DMD: variants seen among roughly 807,000 people sequenced by gnomAD.
DMD encodes dystrophin.
Under a neutral mutation model 330.1 loss-of-function variants are expected in DMD, and 63 were observed. That is an observed-to-expected ratio of 0.19 (90% CI 0.16 to 0.24). The LOEUF is 0.24. Among genes scored for constraint, DMD ranks in the 10% least tolerant of loss-of-function variants. The pLI is 1.00. For missense variants in DMD, 3,344 were observed against 2,684.1 expected, an observed-to-expected ratio of 1.25 and a Z score of -5.43; for synonymous variants, 1,223 against 959.8, an observed-to-expected ratio of 1.27 and a Z score of -5.07.
chrX:31,549,787 G>A (rs2147736366), intron 55 of DMD, among the ~76,000 whole-genome samples: 1 of 112,228 alleles, frequency 8.9e-6, no homozygotes, highest in South Asian at 3.7e-4. Flanking sequence ...ATGAAATTAT[G>A]ACTTACAGCA....
rs555545188 is a variant in DMD at position 32,021,676 on chromosome X, G to T, written c.6439-53162C>A. Among the ~76,000 whole-genome samples, 6 of 112,008 alleles carry T rather than the reference G, an allele frequency of 5.4e-5. No individual in the cohort carries two copies. In the South Asian group the frequency reaches 1.8e-3, roughly 34 times the overall value. ...CACTAGATTTCAGAGACTTACTAAA[G>T]AAAAAGGTTAAATACATAATTAGTA... On this transcript the variant is annotated intron_variant, in intron 44 of 78. Transcript: ENST00000357033.
chrX:32,593,012 G>A (rs907712420), intron 13 of DMD, among the ~76,000 whole-genome samples: 1 of 112,750 alleles, frequency 8.9e-6, no homozygotes, highest in Non-Finnish European at 1.9e-5. Context: ...CCTCATGCTC[G>A]CTTGCTCACA....
At chrX:32,615,580 A>G (rs2057498483) in intron 11 of DMD, among the ~76,000 whole-genome samples, 1 of 111,641 alleles carries the variant, frequency 9.0e-6, no homozygotes, top group Non-Finnish European at 1.9e-5. Context: ...CTGAACATTG[A>G]TCTTATAATT....
At chrX:33,275,727 C>T (rs2053224023) in intron 1 of DMD, among the ~76,000 whole-genome samples, 1 of 111,599 alleles carries the variant, frequency 9.0e-6, no homozygotes, top group African/African-American at 3.2e-5. Context: ...CCTAATGATT[C>T]AACAGGACTA....
rs755525313 is a variant in DMD at position 33,080,890 on chromosome X, CAA to C, written c.32-60692_32-60691del. 2.1e-4 allele frequency among the ~76,000 whole-genome samples: 23 copies of C among 110,210 alleles called. No individual in the cohort carries two copies. In the South Asian group the frequency reaches 7.7e-3, roughly 37 times the overall value. Reference sequence around the variant, plus strand: ...TAAAGTCATGTGAACAAAAAGTCATCAAAGTTTCTATTTTTCTGACAAAATAT... The same window carrying C: ...TAAAGTCATGTGAACAAAAAGTCATCAGTTTCTATTTTTCTGACAAAATAT... On this transcript the variant is annotated intron_variant, in intron 1 of 78. Transcript: ENST00000357033.
chrX:31,541,711 C>T (rs1204383693), intron 55 of DMD, among the ~76,000 whole-genome samples: 1 of 110,551 alleles, frequency 9.0e-6, no homozygotes, highest in Non-Finnish European at 1.9e-5. Flanking sequence ...TATATATGTG[C>T]CACATTTTCT....
At chrX:33,236,883 T>A (rs2052493366) in intron 1 of DMD, among the ~76,000 whole-genome samples, 1 of 111,375 alleles carries the variant, frequency 9.0e-6, no homozygotes, top group Non-Finnish European at 1.9e-5. Flanking sequence ...TGTAATATTA[T>A]TCAATGTACC....
intron 60 of DMD, among the ~76,000 whole-genome samples, chrX:31,403,998 G>C (rs1438120313): frequency 9.2e-6 from 1 of 108,937 alleles, no homozygotes; most frequent in Non-Finnish European, 1.9e-5. Flanking sequence ...AATAAGTAAT[G>C]AATCACTGAA....
chrX:31,543,936 C>T (rs1569550570), intron 55 of DMD, among the ~76,000 whole-genome samples: 2 of 111,421 alleles, frequency 1.8e-5, no homozygotes, highest in Non-Finnish European at 1.9e-5. Context: ...CTCAATTCAG[C>T]AGAAAAGAGG....
chrX:32,614,232 G>A, intron 12 of DMD, 71 bp downstream of exon 12: 1 of 1,017,165 alleles, frequency 9.8e-7, no homozygotes, highest in Admixed American at 2.4e-5. Flanking sequence ...TGTCATCTGT[G>A]TTACTGTGTA....
At chrX:32,997,524 G>A (rs192105571) in intron 2 of DMD, among the ~76,000 whole-genome samples, 28 of 111,957 alleles carry the variant, frequency 2.5e-4, no homozygotes, top group Middle Eastern at 4.7e-3. Flanking sequence ...GGTTATAGGC[G>A]TGAGCCACCG....
Position 32,148,023 on chromosome X carries a change from A to G in DMD, c.6438+68893T>C, listed in dbSNP as rs191414827. Among the ~76,000 whole-genome samples, 927 of 108,251 alleles carry G rather than the reference A, an allele frequency of 8.6e-3. 7 individuals are homozygous for G. Among genetic ancestry groups the G allele is most frequent in the African/African-American group, 0.029 (859 of 29,676 alleles). 94.0% of individuals were successfully genotyped at this position (108,251 alleles called of 115,157 possible). ...CTCCCGAGTAGCTGGGACTACAGGC[A>G]CCCACTACCACGCCAGGCTAATTTT... On this transcript the variant is annotated intron_variant, in intron 44 of 78. Coordinates refer to ENST00000357033, the MANE Select transcript of DMD (RefSeq NM_004006.3).
chrX:32,974,415 G>C (rs2092478916), intron 2 of DMD, among the ~76,000 whole-genome samples: 1 of 111,141 alleles, frequency 9.0e-6, no homozygotes, highest in Non-Finnish European at 1.9e-5. Context: ...ACACTGAATT[G>C]TACACTTCTA....
Position 32,771,630 on chromosome X carries a change from A to G in DMD, c.649+37863T>C, listed in dbSNP as rs144188112. On this transcript the variant is annotated intron_variant, in intron 7 of 78. Transcript: ENST00000357033. ...AATATTTTCAGTGTCTCACCCCTGA[A>G]AGATGCATAACAACAATTGGTTAAA... Among the ~76,000 whole-genome samples, 450 of 111,214 alleles carry G rather than the reference A, an allele frequency of 4.0e-3. 3 individuals are homozygous for G. Among genetic ancestry groups the G allele is most frequent in the African/African-American group, 0.014 (423 of 30,600 alleles).
rs1208464931 is a variant in DMD at position 31,742,400 on chromosome X, C to CT, written c.7543-12653dup. Among the ~76,000 whole-genome samples, 6 of 111,673 alleles carry CT rather than the reference C, an allele frequency of 5.4e-5. No individual in the cohort carries two copies. The East Asian group carries it at 1.1e-3, about 21-fold the overall frequency. ...GATTTAAAGTGACAAACATGTGACTCTTTTTTTTCCCATGAACACTTAGAG... is the reference window on the plus strand; with the variant it reads ...GATTTAAAGTGACAAACATGTGACTCTTTTTTTTTCCCATGAACACTTAGAG... On this transcript the variant is annotated intron_variant, in intron 51 of 78. Transcript: ENST00000357033.
intron 18 of DMD, among the ~76,000 whole-genome samples, chrX:32,502,582 T>C (rs2044162901): frequency 8.9e-6 from 1 of 112,214 alleles, no homozygotes; most frequent in African/African-American, 3.2e-5. Context: ...TACATTACTA[T>C]AATCATCAAG....
intron 7 of DMD, among the ~76,000 whole-genome samples, chrX:32,788,184 T>G (rs1889333142): frequency 8.9e-6 from 1 of 111,827 alleles, no homozygotes; most frequent in Admixed American, 9.5e-5. Context: ...CTTATTTTCT[T>G]AGGATTAAGA....
At chrX:32,309,406 G>A (rs1295158091) in intron 42 of DMD, among the ~76,000 whole-genome samples, 1 of 110,731 alleles carries the variant, frequency 9.0e-6, no homozygotes, top group Non-Finnish European at 1.9e-5. Context: ...ATTATCTGGA[G>A]ACACATTATT....
intron 2 of DMD, among the ~76,000 whole-genome samples, chrX:33,008,842 AT>A: frequency 4.7e-5 from 2 of 42,569 alleles, no homozygotes; most frequent in Non-Finnish European, 9.6e-5. Context: ...ATATATACAC[AT>A]ATATGTATAC....
Sources: gnomAD v4.1 joint callset for allele counts (sites outside exome capture counted in the v4.1 genomes callset) on GRCh38, gnomAD v4.1.1 for gene constraint, MANE v1.5 for transcripts, NCBI Gene and HGNC (gene_info 2026-07-23, HGNC 2026-07-21) for gene names.